The following ADAM10 variants were observed in gnomAD, a reference collection of about 807,000 sequenced individuals.
The protein encoded by ADAM10 is ADAM metallopeptidase domain 10, also known as disintegrin and metalloproteinase domain-containing protein 10.
Under a neutral mutation model 90.1 loss-of-function variants are expected in ADAM10, and 17 were observed. That is an observed-to-expected ratio of 0.19 (90% CI 0.13 to 0.28). The LOEUF (loss-of-function observed/expected upper bound fraction) is 0.28, where lower values mean the gene tolerates loss of function less well. ADAM10 is among the 10% of genes least tolerant of loss of function. ADAM10 has a pLI of 1.00. For synonymous variants in ADAM10, 310 were observed against 298.6 expected, an observed-to-expected ratio of 1.04 and a Z score of -0.40; for missense variants, 610 against 914.3, an observed-to-expected ratio of 0.67 and a Z score of 4.29.
At chr15:58,625,745 G>C (rs533822353) in intron 10 of ADAM10, among the ~76,000 whole-genome samples, 7 of 152,222 alleles carry the variant, frequency 4.6e-5, no homozygotes, top group African/African-American at 1.7e-4. Context: ...CCAAACACTG[G>C]AAACAGCCCA....
At chr15:58,636,422 T>C (rs1896253658) in intron 8 of ADAM10, among the ~76,000 whole-genome samples, 2 of 152,234 alleles carry the variant, frequency 1.3e-5, no homozygotes. Flanking sequence ...CTAGTTTTGA[T>C]ATGCCAGAAA....
intron 2 of ADAM10, among the ~76,000 whole-genome samples, chr15:58,707,008 CAA>C (rs796234312): frequency 2.4e-5 from 1 of 41,748 alleles, no homozygotes. Context: ...GACTCCATCT[CAA>C]AAAAAAAAAA....
intron 2 of ADAM10, among the ~76,000 whole-genome samples, chr15:58,686,809 T>C (rs1351364253): frequency 6.6e-6 from 1 of 152,200 alleles, no homozygotes; most frequent in African/African-American, 2.4e-5. Context: ...GGTGAAGGAA[T>C]AGAGTTTTAA....
At chr15:58,613,509 T>C (rs569410528) in intron 11 of ADAM10, among the ~76,000 whole-genome samples, 3 of 151,872 alleles carry the variant, frequency 2.0e-5, no homozygotes, top group East Asian at 1.9e-4. Context: ...AAATAATGAT[T>C]TGAGGGAAAA....
chr15:58,653,941 T>C (rs1471979679), intron 5 of ADAM10, among the ~76,000 whole-genome samples: 1 of 152,304 alleles, frequency 6.6e-6, no homozygotes, highest in South Asian at 2.1e-4. Flanking sequence ...TCTTGGTAGG[T>C]TGTATGTGTC....
intron 1 of ADAM10, among the ~76,000 whole-genome samples, chr15:58,738,367 G>A (rs1408199793): frequency 6.6e-6 from 1 of 152,130 alleles, no homozygotes; most frequent in Non-Finnish European, 1.5e-5. Flanking sequence ...GAACTATCAT[G>A]CCCTATATTC....
At chr15:58,668,156 G>A (rs1391434946) in intron 4 of ADAM10, among the ~76,000 whole-genome samples, 1 of 152,096 alleles carries the variant, frequency 6.6e-6, no homozygotes. Context: ...TCTGATCAAT[G>A]ACAAACAGAA....
At chr15:58,655,673 CATACATAT>C (rs1289985452) in intron 5 of ADAM10, among the ~76,000 whole-genome samples, 12 of 81,026 alleles carry the variant, frequency 1.5e-4, no homozygotes, top group African/African-American at 7.0e-4. Context: ...TACATACATA[CATACATAT>C]ATATATTATA....
chr15:58,626,974 CTATA>C (rs1173798284), intron 10 of ADAM10, among the ~76,000 whole-genome samples: 2 of 152,070 alleles, frequency 1.3e-5, no homozygotes, highest in African/African-American at 4.8e-5. Context: ...ACACTTTATG[CTATA>C]TATATTTTAC....
chr15:58,687,679 G>C (rs752213640), intron 2 of ADAM10, among the ~76,000 whole-genome samples: 2 of 150,440 alleles, frequency 1.3e-5, no homozygotes, highest in Non-Finnish European at 3.0e-5. Flanking sequence ...AATACGAACA[G>C]TTAAACTGTG....
At chr15:58,611,232 C>T in intron 12 of ADAM10, 125 bp from the exon 13 acceptor site, 1 of 744,500 alleles carries the variant, frequency 1.3e-6, no homozygotes, top group East Asian at 2.7e-5. Context: ...AAGTGAAAAA[C>T]AAACAGAGAT....
At chr15:58,698,406 TAAAAAAA>T in intron 2 of ADAM10, 1 of 201,092 alleles carries the variant, frequency 5.0e-6, no homozygotes, top group Non-Finnish European at 9.3e-6. Context: ...ACCCCATCTC[TAAAAAAA>T]AAAAAAAAAA....
At chr15:58,711,567 T>C (rs1439127300) in intron 2 of ADAM10, among the ~76,000 whole-genome samples, 8 of 152,188 alleles carry the variant, frequency 5.3e-5, no homozygotes, top group African/African-American at 1.7e-4. Flanking sequence ...CAAAATTCTT[T>C]ACTAAGTGGC....
Position 58,597,472 on chromosome 15 carries a change from T to C in ADAM10, c.*75A>G. On this transcript the variant is annotated 3_prime_UTR_variant, in exon 16 of 16. Transcript: ENST00000260408. Reference sequence around the variant, plus strand: ...TTGTGAGGGTTTAGTTTGGAGATGATGACTTAATAGGTTTCTCTTTGGAGT... The same window carrying C: ...TTGTGAGGGTTTAGTTTGGAGATGACGACTTAATAGGTTTCTCTTTGGAGT... 6.2e-7 allele frequency: 1 copy of C among 1,610,444 alleles called. No homozygotes were observed. The highest frequency in any genetic ancestry group is 8.5e-7 in the Non-Finnish European group (1 of 1,178,124).
intron 2 of ADAM10, among the ~76,000 whole-genome samples, chr15:58,711,383 G>C (rs1898468532): frequency 6.6e-6 from 1 of 152,108 alleles, no homozygotes; most frequent in Non-Finnish European, 1.5e-5. Flanking sequence ...AAGCATAAAG[G>C]AGCTTAAATA....
At chr15:58,688,222 A>G (rs147542445) in intron 2 of ADAM10, among the ~76,000 whole-genome samples, 1 of 152,280 alleles carries the variant, frequency 6.6e-6, no homozygotes, top group African/African-American at 2.4e-5. Flanking sequence ...TTTTAAATTA[A>G]AAGTTTTTTA....
rs527367978 is a variant in ADAM10 at position 58,744,395 on chromosome 15, G to A, written c.55+5085C>T. Among the ~76,000 whole-genome samples the A allele has an allele frequency of 4.1e-4, 62 of 152,054 alleles. 1 individual carries two copies. Among genetic ancestry groups the A allele is most frequent in the Admixed American group, 3.5e-3 (54 of 15,274 alleles). On this transcript the variant is annotated intron_variant, in intron 1 of 15. Transcript: ENST00000260408. Reference sequence around the variant, plus strand: ...TAGTTTTCCTACATAAAACATACTAGAAACAACCAATTAGAAGGTAACATC... The same window carrying A: ...TAGTTTTCCTACATAAAACATACTAAAAACAACCAATTAGAAGGTAACATC...
At chr15:58,720,591 C>T (rs996707016) in intron 1 of ADAM10, among the ~76,000 whole-genome samples, 2 of 149,952 alleles carry the variant, frequency 1.3e-5, no homozygotes, top group African/African-American at 4.9e-5. Flanking sequence ...TTAGTAGAGA[C>T]GGGGTTTCAC....
intron 11 of ADAM10, among the ~76,000 whole-genome samples, chr15:58,618,850 T>A (rs1185697273): frequency 2.6e-5 from 4 of 151,676 alleles, no homozygotes; most frequent in Non-Finnish European, 5.9e-5. Flanking sequence ...ATCAAAAAAA[T>A]AAATAAATAA....
Sources: allele counts gnomAD v4.1 joint callset (sites outside exome capture counted in the v4.1 genomes callset), GRCh38; gene constraint gnomAD v4.1.1; transcripts MANE v1.5; gene names NCBI Gene and HGNC (gene_info 2026-07-23, HGNC 2026-07-21).